The following ROR1 variants were observed in gnomAD, a reference collection of about 807,000 sequenced individuals.
ROR1 encodes the protein ROR family WNT receptor 1.
A neutral mutation model predicts 78.8 loss-of-function variants in ROR1; 19 were observed. That is an observed-to-expected ratio of 0.24 (90% CI 0.17 to 0.35). ROR1 has a LOEUF of 0.35. Among genes scored for constraint, ROR1 ranks in the 10% least tolerant of loss-of-function variants. The pLI is 1.00. For missense variants in ROR1, 917 were observed against 1,177.8 expected (o/e 0.78, Z 3.24); for synonymous variants, 386 against 433.6 (o/e 0.89, Z 1.36).
chr1:64,062,495 TA>T (rs2100607041), intron 4 of ROR1, among the ~76,000 whole-genome samples: 1 of 152,114 alleles, frequency 6.6e-6, no homozygotes, highest in East Asian at 1.9e-4. Flanking sequence ...GTATTTTTAG[TA>T]GAGATGGGGT....
intron 8 of ROR1, among the ~76,000 whole-genome samples, chr1:64,170,722 A>G (rs1312396604): frequency 1.3e-5 from 2 of 152,160 alleles, no homozygotes; most frequent in African/African-American, 4.8e-5. Context: ...AATGCCTTTA[A>G]CAGCACCCAA....
chr1:63,979,472 G>A (rs1396341969), intron 1 of ROR1, among the ~76,000 whole-genome samples: 1 of 152,154 alleles, frequency 6.6e-6, no homozygotes, highest in African/African-American at 2.4e-5. Context: ...CCATAGAAGA[G>A]GGCCATCCTG....
intron 1 of ROR1, among the ~76,000 whole-genome samples, chr1:63,827,467 A>G (rs915107443): frequency 1.3e-5 from 2 of 152,220 alleles, no homozygotes; most frequent in South Asian, 2.1e-4. Context: ...TAATCAATAC[A>G]AAGAAGAAGG....
chr1:64,122,050 T>C (rs1000439459), intron 4 of ROR1, among the ~76,000 whole-genome samples: 2 of 152,152 alleles, frequency 1.3e-5, no homozygotes, highest in Non-Finnish European at 2.9e-5. Context: ...TGAAGGCTGC[T>C]CCCCTTAGCC....
At chr1:63,802,296 C>T (rs1644802274) in intron 1 of ROR1, among the ~76,000 whole-genome samples, 1 of 152,070 alleles carries the variant, frequency 6.6e-6, no homozygotes, top group Non-Finnish European at 1.5e-5. Context: ...ATCCACGGAG[C>T]ATCCTTGGAC....
intron 1 of ROR1, among the ~76,000 whole-genome samples, chr1:63,886,249 C>G (rs571395467): frequency 1.3e-5 from 2 of 152,260 alleles, no homozygotes; most frequent in East Asian, 1.9e-4. Flanking sequence ...CCGCTCACCT[C>G]CTGCTGTGCA....
At chr1:63,794,494 T>A (rs1193026831) in intron 1 of ROR1, among the ~76,000 whole-genome samples, 1 of 152,200 alleles carries the variant, frequency 6.6e-6, no homozygotes, top group Non-Finnish European at 1.5e-5. Context: ...GGAACCAGCT[T>A]CTTTCTCTCA....
At chr1:64,002,004 A>G (rs1039304904) in intron 1 of ROR1, among the ~76,000 whole-genome samples, 3 of 152,072 alleles carry the variant, frequency 2.0e-5, no homozygotes, top group Non-Finnish European at 2.9e-5. Context: ...GCTAGGGGAC[A>G]GGGAGGCTGT....
intron 1 of ROR1, among the ~76,000 whole-genome samples, chr1:64,000,152 G>A (rs1156615297): frequency 3.9e-5 from 6 of 152,114 alleles, no homozygotes; most frequent in Non-Finnish European, 8.8e-5. Flanking sequence ...AGAAAAAATT[G>A]CCTGGAGGCA....
chr1:63,918,615 A>G (rs988265655), intron 1 of ROR1, among the ~76,000 whole-genome samples: 2 of 152,174 alleles, frequency 1.3e-5, no homozygotes, highest in Admixed American at 6.5e-5. Context: ...CTTGGTAAAA[A>G]CTTACTATTA....
chr1:63,892,027 G>A (rs573696982), intron 1 of ROR1, among the ~76,000 whole-genome samples: 2 of 152,274 alleles, frequency 1.3e-5, no homozygotes, highest in African/African-American at 2.4e-5. Context: ...GTCAAAGGAG[G>A]AAAGTATATT....
chr1:64,126,144 A>G lies in ROR1; in HGVS notation c.483-11225A>G, dbSNP rs148562617. ...AGAGAGCCAGGTGAAGAAAAATGAG[A>G]ATGGATTTCCTGGAAGGGAAATAGC... On this transcript the variant is annotated intron_variant, in intron 4 of 8. Coordinates refer to ENST00000371079, the MANE Select transcript of ROR1 (RefSeq NM_005012.4). Among the ~76,000 whole-genome samples, 381 of 152,278 alleles carry G rather than the reference A, an allele frequency of 2.5e-3. 3 individuals carry two copies. The highest frequency in any genetic ancestry group is 8.1e-3 in the African/African-American group (338 of 41,564).
chr1:63,820,576 T>C (rs187250527), intron 1 of ROR1, among the ~76,000 whole-genome samples: 148 of 152,346 alleles, frequency 9.7e-4, no homozygotes, highest in African/African-American at 3.3e-3. Context: ...TTCTGCTATA[T>C]GCAGATTCAG....
intron 1 of ROR1, among the ~76,000 whole-genome samples, chr1:63,929,784 G>A (rs1036729468): frequency 2.6e-5 from 4 of 152,172 alleles, no homozygotes; most frequent in Non-Finnish European, 5.9e-5. Context: ...TAGCTCATGT[G>A]ATCATCCTGC....
At chr1:63,875,301 A>G (rs567152658) in intron 1 of ROR1, among the ~76,000 whole-genome samples, 4 of 152,202 alleles carry the variant, frequency 2.6e-5, no homozygotes, top group East Asian at 1.9e-4. Flanking sequence ...TGAATTTACA[A>G]TGAAAAACGT....
At chr1:64,168,877 T>G (rs2100738459) in intron 8 of ROR1, among the ~76,000 whole-genome samples, 1 of 152,344 alleles carries the variant, frequency 6.6e-6, no homozygotes, top group South Asian at 2.1e-4. Context: ...TCCAGAAAAC[T>G]ACATCCATTT....
chr1:63,883,095 TA>T (rs1645333857), intron 1 of ROR1, among the ~76,000 whole-genome samples: 1 of 152,158 alleles, frequency 6.6e-6, no homozygotes, highest in Admixed American at 6.5e-5. Flanking sequence ...GGGCAAATAA[TA>T]AGTTTCCTGT....
At position 63,860,588 on chromosome 1, in the gene ROR1, C is replaced by CACACACACACACAT. The variant is rs1553138052; in HGVS notation, c.91+86093_91+86094insTACACACACACACA. Among the ~76,000 whole-genome samples the CACACACACACACAT allele has an allele frequency of 3.5e-3, 509 of 145,514 alleles. 5 individuals are homozygous for CACACACACACACAT. The highest frequency in any genetic ancestry group is 0.012 in the African/African-American group (484 of 38,868). On this transcript the variant is annotated intron_variant, in intron 1 of 8. Coordinates refer to ENST00000371079, the MANE Select transcript of ROR1 (RefSeq NM_005012.4). ...ACACACACACACACACACACACACA[C>CACACACACACACAT]ACACACACACACACACATACACACA... is the stretch of plus-strand genomic sequence containing the variant.
chr1:64,136,047 C>T (rs1472445218), intron 4 of ROR1, among the ~76,000 whole-genome samples: 1 of 152,116 alleles, frequency 6.6e-6, no homozygotes. Flanking sequence ...GATGTGGGAG[C>T]TTAGTAAATA....
Sources: allele counts gnomAD v4.1 joint callset (sites outside exome capture counted in the v4.1 genomes callset), GRCh38; gene constraint gnomAD v4.1.1; transcripts MANE v1.5; gene names NCBI Gene and HGNC (gene_info 2026-07-23, HGNC 2026-07-21).